The following PPP2R5A variants were observed in gnomAD, a reference collection of about 807,000 sequenced individuals.
PPP2R5A encodes serine/threonine-protein phosphatase 2A 56 kDa regulatory subunit alpha isoform.
In PPP2R5A, 25 loss-of-function variants were observed where a neutral mutation model predicts 64.2. That is an observed-to-expected ratio of 0.39 (90% CI 0.28 to 0.54). The LOEUF (loss-of-function observed/expected upper bound fraction) is 0.54. PPP2R5A is among the 20% of genes least tolerant of loss of function. The pLI, the probability that PPP2R5A is intolerant of heterozygous loss-of-function variation, is 0.67. For missense variants in PPP2R5A, 425 were observed against 576.3 expected (o/e 0.74, Z 2.69); for synonymous variants, 198 against 201.2 (o/e 0.98, Z 0.13).
intron 2 of PPP2R5A, among the ~76,000 whole-genome samples, chr1:212,330,014 G>T (rs926595440): frequency 6.6e-6 from 1 of 152,128 alleles, no homozygotes; most frequent in Non-Finnish European, 1.5e-5. Context: ...TTAAGCAGTG[G>T]GTAAGGGAGT....
intron 1 of PPP2R5A, among the ~76,000 whole-genome samples, chr1:212,303,230 G>A (rs1273573563): frequency 3.9e-5 from 6 of 152,054 alleles, no homozygotes; most frequent in Admixed American, 2.0e-4. Flanking sequence ...GATTTTCATC[G>A]CTCCACATCC....
At chr1:212,337,307 A>G (rs1287881213) in intron 3 of PPP2R5A, among the ~76,000 whole-genome samples, 1 of 152,150 alleles carries the variant, frequency 6.6e-6, no homozygotes, top group Non-Finnish European at 1.5e-5. Context: ...ACTAGCCTGG[A>G]ATACAGGCAG....
At chr1:212,342,887 G>A (rs1329230780) in intron 4 of PPP2R5A, among the ~76,000 whole-genome samples, 1 of 151,616 alleles carries the variant, frequency 6.6e-6, no homozygotes, top group East Asian at 1.9e-4. Context: ...GTTATTTTTG[G>A]AACCTACATA....
At chr1:212,359,449 A>G (rs1037464737) in intron 12 of PPP2R5A, among the ~76,000 whole-genome samples, 2 of 152,216 alleles carry the variant, frequency 1.3e-5, no homozygotes, top group African/African-American at 4.8e-5. Context: ...CTTTAGGAAC[A>G]TGGCCTAGTG....
At chr1:212,359,259 GTTCT>G (rs1240640872) in intron 12 of PPP2R5A, among the ~76,000 whole-genome samples, 2 of 152,170 alleles carry the variant, frequency 1.3e-5, no homozygotes, top group African/African-American at 4.8e-5. Context: ...CTTTTCAAGT[GTTCT>G]TTGTTAGCAG....
chr1:212,348,609 G>T, intron 7 of PPP2R5A, 112 bp downstream of exon 7: 1 of 824,486 alleles, frequency 1.2e-6, no homozygotes, highest in Non-Finnish European at 1.8e-6. Context: ...TAAGCAATTT[G>T]CTTACAAAAT....
intron 8 of PPP2R5A, chr1:212,352,783 C>G (rs748708520): frequency 1.9e-6 from 1 of 518,772 alleles, no homozygotes; most frequent in South Asian, 1.4e-5. Flanking sequence ...ATCAAATGAT[C>G]ACAAAATTTA....
At chr1:212,322,683 A>G (rs1459712536) in intron 1 of PPP2R5A, among the ~76,000 whole-genome samples, 2 of 152,218 alleles carry the variant, frequency 1.3e-5, no homozygotes, top group African/African-American at 2.4e-5. Flanking sequence ...CAAGAAACTT[A>G]GTAAAAACAA....
intron 1 of PPP2R5A, among the ~76,000 whole-genome samples, chr1:212,322,074 G>C (rs1316694986): frequency 6.6e-6 from 1 of 151,400 alleles, no homozygotes; most frequent in Non-Finnish European, 1.5e-5. Flanking sequence ...TGCAATCGCA[G>C]GCACTCGGCA....
chr1:212,358,994 C>T (rs940598079), intron 12 of PPP2R5A, among the ~76,000 whole-genome samples: 1 of 152,034 alleles, frequency 6.6e-6, no homozygotes, highest in African/African-American at 2.4e-5. Flanking sequence ...TTTGTTAAAG[C>T]AGAAAAAGCA....
At chr1:212,330,755 T>C (rs1467282727) in intron 2 of PPP2R5A, among the ~76,000 whole-genome samples, 1 of 152,174 alleles carries the variant, frequency 6.6e-6, no homozygotes, top group African/African-American at 2.4e-5. Flanking sequence ...TAGTTGGGTT[T>C]CCTTTTATCA....
At chr1:212,290,567 A>G (rs1217517242) in intron 1 of PPP2R5A, among the ~76,000 whole-genome samples, 1 of 152,260 alleles carries the variant, frequency 6.6e-6, no homozygotes, top group Admixed American at 6.5e-5. Flanking sequence ...ATTGCTAAAT[A>G]AAGTGTTCAC....
At chr1:212,309,821 A>C (rs923470515) in intron 1 of PPP2R5A, among the ~76,000 whole-genome samples, 1 of 152,222 alleles carries the variant, frequency 6.6e-6, no homozygotes, top group Non-Finnish European at 1.5e-5. Context: ...TGACGAGCTA[A>C]AAGAAAAAAA....
intron 1 of PPP2R5A, among the ~76,000 whole-genome samples, chr1:212,309,836 T>G (rs986955641): frequency 7.9e-5 from 12 of 151,778 alleles, no homozygotes; most frequent in African/African-American, 2.9e-4. Flanking sequence ...AAAAAAAAAG[T>G]TCATGCATAA....
At chr1:212,336,554 C>G (rs1659597235) in intron 3 of PPP2R5A, among the ~76,000 whole-genome samples, 1 of 152,156 alleles carries the variant, frequency 6.6e-6, no homozygotes. Flanking sequence ...ACCAAAATTT[C>G]TAGAAACCAA....
chr1:212,321,130 G>A (rs1659277868), intron 1 of PPP2R5A, among the ~76,000 whole-genome samples: 2 of 140,568 alleles, frequency 1.4e-5, no homozygotes, highest in South Asian at 2.3e-4. Flanking sequence ...TCTCTTCCCA[G>A]TAGGGGCGGC....
In PPP2R5A at chr1:212,360,878, A is replaced by T. The variant is rs1558157976; in HGVS notation, c.*108A>T. ...TCAGTATAATATAATTAAAAGGCCAATTTTTTCTGGCAACTGTAAATGGAA... is the reference window on the plus strand; with the variant it reads ...TCAGTATAATATAATTAAAAGGCCATTTTTTTCTGGCAACTGTAAATGGAA... On this transcript the variant is annotated 3_prime_UTR_variant, in exon 13 of 13. Transcript: ENST00000261461. 2 of 1,103,138 alleles carry T rather than the reference A, an allele frequency of 1.8e-6. No individual in the cohort carries two copies. The highest frequency in any genetic ancestry group is 1.6e-5 in the African/African-American group (1 of 61,198). The allele number at this position is 1,103,138 out of a possible 1,614,324, so 68.3% of individuals were successfully genotyped here. A position where few individuals can be genotyped will look rare whatever the true frequency, so the allele number is the denominator to read the frequency against.
intron 1 of PPP2R5A, among the ~76,000 whole-genome samples, chr1:212,298,888 C>G (rs1658745247): frequency 2.3e-5 from 1 of 42,852 alleles, no homozygotes; most frequent in Non-Finnish European, 4.4e-5. Flanking sequence ...GCTGACCCCC[C>G]ACCTCCCTCC....
intron 1 of PPP2R5A, among the ~76,000 whole-genome samples, chr1:212,298,855 CG>C (rs1658743856): frequency 2.5e-5 from 1 of 39,552 alleles, no homozygotes; most frequent in Admixed American, 1.9e-4. Context: ...ACCTCCCGGA[CG>C]GGGCGGCTGG....
Sources: allele counts gnomAD v4.1 joint callset (sites outside exome capture counted in the v4.1 genomes callset), GRCh38; gene constraint gnomAD v4.1.1; transcripts MANE v1.5; gene names NCBI Gene and HGNC (gene_info 2026-07-23, HGNC 2026-07-21).